TNNI3K: variants seen among roughly 807,000 people sequenced by gnomAD.
The protein encoded by TNNI3K is serine/threonine-protein kinase TNNI3K.
TNNI3K carries 140 observed loss-of-function variants against 114.5 expected under a neutral mutation model. That is an observed-to-expected ratio of 1.22 (90% CI 1.07 to 1.41). The LOEUF (loss-of-function observed/expected upper bound fraction) is 1.41. Ranked by LOEUF, TNNI3K falls within the 40% of genes most tolerant of loss-of-function variation. TNNI3K has a pLI of 0.00. For missense variants in TNNI3K, 1,125 were observed against 1,007.6 expected, an observed-to-expected ratio of 1.12 and a Z score of -1.58; for synonymous variants, 347 against 347.5, an observed-to-expected ratio of 1.00 and a Z score of 0.02.
intron 23 of TNNI3K, among the ~76,000 whole-genome samples, chr1:74,532,933 TA>T (rs1646609138): frequency 6.6e-6 from 1 of 152,114 alleles, no homozygotes; most frequent in Admixed American, 6.5e-5. Context: ...ATTAAAGACT[TA>T]AACGCTAGAC....
chr1:74,433,342 G>A lies in TNNI3K; in HGVS notation c.1773-2738G>A, dbSNP rs992017767. Among the ~76,000 whole-genome samples, 14 of 152,130 alleles carry A rather than the reference G, an allele frequency of 9.2e-5. No homozygotes were observed. The East Asian group carries it at 1.6e-3, about 17-fold the overall frequency. On this transcript the variant is annotated intron_variant, in intron 17 of 24. Transcript: ENST00000326637. The stretch of plus-strand genomic sequence containing the variant: ...CTGAAGCTGTCACTGTGACTGATTA[G>A]CACAGGTTCTGCCAGCTTCAACCCT...
chr1:74,312,767 CT>C (rs1296488384), intron 5 of TNNI3K, among the ~76,000 whole-genome samples: 1 of 152,212 alleles, frequency 6.6e-6, no homozygotes, highest in Non-Finnish European at 1.5e-5. Context: ...GACATCTCTT[CT>C]TTTCACTAGC....
At chr1:74,498,534 TTAAA>T (rs1292283078) in intron 23 of TNNI3K, among the ~76,000 whole-genome samples, 1 of 152,190 alleles carries the variant, frequency 6.6e-6, no homozygotes, top group African/African-American at 2.4e-5. Flanking sequence ...GTGGTGAATA[TTAAA>T]TATTTTTATT....
At chr1:74,314,521 G>A (rs1343460024) in intron 5 of TNNI3K, among the ~76,000 whole-genome samples, 2 of 152,034 alleles carry the variant, frequency 1.3e-5, no homozygotes, top group East Asian at 3.9e-4. Context: ...AAAAATGAAA[G>A]TAGAGTCTCT....
At position 74,347,982 on chromosome 1, in the gene TNNI3K, G is replaced by A. The variant is rs182862487; in HGVS notation, c.932+4803G>A. Among the ~76,000 whole-genome samples the A allele has an allele frequency of 2.0e-3, 312 of 152,282 alleles. 1 individual carries two copies. The highest frequency in any genetic ancestry group is 0.01 in the Middle Eastern group (3 of 294). On this transcript the variant is annotated intron_variant, in intron 9 of 24. Transcript: ENST00000326637. The stretch of plus-strand genomic sequence containing the variant: ...CTCTGATGGTGGTTTCTTTTGCTGT[G>A]CAGAAGTTCTTTAGTTTAATTAGAT...
Position 74,304,552 on chromosome 1 carries a change from C to G in TNNI3K, c.445-26898C>G, listed in dbSNP as rs907824820. Among the ~76,000 whole-genome samples the G allele has an allele frequency of 9.2e-5, 14 of 152,160 alleles. No homozygotes were observed. The South Asian group carries it at 2.9e-3, about 32-fold the overall frequency. On this transcript the variant is annotated intron_variant, in intron 5 of 24. Transcript: ENST00000326637. ...TGAACTACCAGGCTCACATGAACCTCCTCACTCAGCTTCCAGAGTAGCTAG... is the reference window on the plus strand; with the variant it reads ...TGAACTACCAGGCTCACATGAACCTGCTCACTCAGCTTCCAGAGTAGCTAG...
At chr1:74,519,936 T>TA (rs1646406695) in intron 23 of TNNI3K, among the ~76,000 whole-genome samples, 1 of 152,178 alleles carries the variant, frequency 6.6e-6, no homozygotes, top group East Asian at 1.9e-4. Flanking sequence ...AGCATGTTCT[T>TA]ACAGCTATTT....
At chr1:74,302,469 T>A (rs1047245968) in intron 5 of TNNI3K, among the ~76,000 whole-genome samples, 6 of 152,338 alleles carry the variant, frequency 3.9e-5, no homozygotes, top group African/African-American at 1.4e-4. Flanking sequence ...AAAGCTGAGA[T>A]AGGCCAAAAG....
chr1:74,364,213 C>T (rs1247162870), intron 11 of TNNI3K, among the ~76,000 whole-genome samples: 3 of 151,598 alleles, frequency 2.0e-5, no homozygotes, highest in Non-Finnish European at 2.9e-5. Flanking sequence ...CTATGTTGCC[C>T]AGCCTGGTCT....
chr1:74,495,380 G>A (rs944644991), intron 23 of TNNI3K, among the ~76,000 whole-genome samples: 2 of 152,294 alleles, frequency 1.3e-5, no homozygotes, highest in Non-Finnish European at 2.9e-5. Flanking sequence ...TGTATCCTTA[G>A]TATCTATCTA....
At chr1:74,413,774 A>C (rs1664995874) in intron 17 of TNNI3K, among the ~76,000 whole-genome samples, 1 of 152,188 alleles carries the variant, frequency 6.6e-6, no homozygotes, top group East Asian at 1.9e-4. Flanking sequence ...ATTTCTTAAT[A>C]ATGTTCCAAG....
At chr1:74,353,784 G>A (rs1280549032) in intron 10 of TNNI3K, among the ~76,000 whole-genome samples, 196 bp from the exon 11 acceptor site, 2 of 152,128 alleles carry the variant, frequency 1.3e-5, no homozygotes, top group Non-Finnish European at 2.9e-5. Context: ...AGAAGGTTGA[G>A]TACAATATAA....
chr1:74,276,996 T>G lies in TNNI3K; in HGVS notation c.444+5288T>G, dbSNP rs576781677. On this transcript the variant is annotated intron_variant, in intron 5 of 24. Coordinates refer to ENST00000326637, the MANE Select transcript of TNNI3K (RefSeq NM_015978.3). ...ACTGATACATCCATCTATCAATACA[T>G]TTGCATATGCTTCTTTGTACAAGGC... is the stretch of plus-strand genomic sequence containing the variant. Among the ~76,000 whole-genome samples the G allele has an allele frequency of 1.6e-4, 24 of 152,256 alleles. 1 individual carries two copies. Among genetic ancestry groups the G allele is most frequent in the Admixed American group, 9.8e-4 (15 of 15,282 alleles).
intron 7 of TNNI3K, among the ~76,000 whole-genome samples, chr1:74,338,073 T>C (rs11210452): frequency 2.3e-3 from 349 of 152,180 alleles, no homozygotes; most frequent in African/African-American, 7.7e-3. Context: ...CACACATATA[T>C]ATATGAGAGA....
At chr1:74,341,065 T>C (rs1188459200) in intron 7 of TNNI3K, among the ~76,000 whole-genome samples, 1 of 152,176 alleles carries the variant, frequency 6.6e-6, no homozygotes, top group Non-Finnish European at 1.5e-5. Context: ...CAAGGCCTAA[T>C]TAAGACCCTG....
chr1:74,519,637 A>T (rs946651670), intron 23 of TNNI3K, among the ~76,000 whole-genome samples: 2 of 152,188 alleles, frequency 1.3e-5, no homozygotes, highest in East Asian at 3.8e-4. Context: ...CAGAATAGAG[A>T]TAAAAACTTC....
At chr1:74,471,513 G>A in intron 21 of TNNI3K, 1 of 400,490 alleles carries the variant, frequency 2.5e-6, no homozygotes, top group South Asian at 1.3e-4. Context: ...CAGACTGAGG[G>A]GTTCTCTTCC....
At chr1:74,288,161 A>C (rs1477223572) in intron 5 of TNNI3K, among the ~76,000 whole-genome samples, 1 of 152,152 alleles carries the variant, frequency 6.6e-6, no homozygotes, top group African/African-American at 2.4e-5. Context: ...AAGATTCCTC[A>C]AAAAATTCAA....
chr1:74,399,643 G>A (rs1047525713), intron 17 of TNNI3K, among the ~76,000 whole-genome samples: 9 of 152,140 alleles, frequency 5.9e-5, no homozygotes, highest in African/African-American at 2.2e-4. Context: ...AGATGGAAGG[G>A]AAAAGGATGA....
Sources: gnomAD v4.1 joint callset for allele counts (sites outside exome capture counted in the v4.1 genomes callset) on GRCh38, gnomAD v4.1.1 for gene constraint, MANE v1.5 for transcripts, NCBI Gene and HGNC (gene_info 2026-07-23, HGNC 2026-07-21) for gene names.